Variants in DIAPH3 observed in about 807,000 individuals in gnomAD.
The protein encoded by DIAPH3 is diaphanous related formin 3.
DIAPH3 carries 117 observed loss-of-function variants against 144.3 expected under a neutral mutation model. The observed-to-expected ratio is 0.81, with a 90% CI of 0.70 to 0.95. DIAPH3 has a LOEUF of 0.95. DIAPH3 is among the 40% of genes least tolerant of loss of function. The probability of loss-of-function intolerance (pLI) is 0.00; values close to 1 mark genes in which losing one functional copy is unlikely to be tolerated. For synonymous variants in DIAPH3, 519 were observed against 488.9 expected (o/e 1.06, Z -0.81); for missense variants, 1,421 against 1,412.7 (o/e 1.01, Z -0.09).
Position 59,762,963 on chromosome 13 carries a change from A to C in DIAPH3, c.3319+11226T>G, listed in dbSNP as rs538954312. Among the ~76,000 whole-genome samples the C allele has an allele frequency of 9.9e-5, 15 of 152,226 alleles. No homozygotes were observed. In the South Asian group the frequency reaches 3.1e-3, roughly 32 times the overall value. On this transcript the variant is annotated intron_variant, in intron 27 of 27. Coordinates refer to ENST00000400324, the MANE Select transcript of DIAPH3 (RefSeq NM_001042517.2). ...CATCACCATGGGAAGATGCAGTAAG[A>C]AGGCCCTCACTAGATGCCAGAGCCT...
intron 1 of DIAPH3, among the ~76,000 whole-genome samples, chr13:60,136,499 A>C (rs1218942854): frequency 6.6e-6 from 1 of 151,682 alleles, no homozygotes; most frequent in Non-Finnish European, 1.5e-5. Context: ...AAAAGTTAGA[A>C]GCATACAGTT....
rs4054895 is a variant in DIAPH3 at position 59,983,139 on chromosome 13, T to TAAAAAA, written c.1480+624_1480+629dup. Among the ~76,000 whole-genome samples, 3 of 104,692 alleles carry TAAAAAA rather than the reference T, an allele frequency of 2.9e-5. 1 individual carries two copies. Among genetic ancestry groups the TAAAAAA allele is most frequent in the Non-Finnish European group, 5.5e-5 (3 of 54,904 alleles). The allele number at this position is 104,692 out of a possible 152,430, so 68.7% of individuals were successfully genotyped here. A position where few individuals can be genotyped will look rare whatever the true frequency, so the allele number is the denominator to read the frequency against. On this transcript the variant is annotated intron_variant, in intron 13 of 27. Transcript: ENST00000400324. ...ACACTAAATAATAATGCTTTATCTT[T>TAAAAAA]AAAAAAAAAAAAAAAAAAAACTCTC...
At chr13:59,862,914 C>A (rs1208326495) in intron 21 of DIAPH3, among the ~76,000 whole-genome samples, 2 of 152,074 alleles carry the variant, frequency 1.3e-5, no homozygotes. Context: ...CTGAAAGATA[C>A]CTATTGAAAA....
chr13:59,675,533 C>T (rs112600475), intron 27 of DIAPH3, among the ~76,000 whole-genome samples: 2,605 of 152,110 alleles, frequency 0.017, 79 homozygotes, highest in African/African-American at 0.059. Flanking sequence ...TATAGGCGCC[C>T]GCCACCACGC....
intron 27 of DIAPH3, among the ~76,000 whole-genome samples, chr13:59,755,455 T>C (rs1032331899): frequency 6.6e-6 from 1 of 151,992 alleles, no homozygotes; most frequent in Non-Finnish European, 1.5e-5. Context: ...CTTGATAGAT[T>C]AGAGAAACGG....
chr13:59,878,975 T>C (rs1350455595), intron 21 of DIAPH3, among the ~76,000 whole-genome samples: 2 of 152,124 alleles, frequency 1.3e-5, no homozygotes, highest in African/African-American at 2.4e-5. Flanking sequence ...TGAGAAAGCA[T>C]AGGTTTATGA....
intron 24 of DIAPH3, among the ~76,000 whole-genome samples, chr13:59,829,549 G>A (rs1487321684): frequency 6.6e-6 from 1 of 151,798 alleles, no homozygotes; most frequent in African/African-American, 2.4e-5. Context: ...GCTACTATAA[G>A]GATTAAATGG....
chr13:60,063,861 G>A (rs1358352770), intron 4 of DIAPH3, among the ~76,000 whole-genome samples: 2 of 152,048 alleles, frequency 1.3e-5, no homozygotes, highest in South Asian at 2.1e-4. Context: ...CCCAGGAGGC[G>A]GAGGTTGCAG....
chr13:60,101,425 C>T (rs572946257), intron 3 of DIAPH3, among the ~76,000 whole-genome samples: 1 of 152,286 alleles, frequency 6.6e-6, no homozygotes, highest in South Asian at 2.1e-4. Context: ...GGCCCTAAAG[C>T]AAGCTTGTCC....
chr13:59,852,610 T>C (rs1036840667), intron 22 of DIAPH3, among the ~76,000 whole-genome samples: 4 of 152,176 alleles, frequency 2.6e-5, no homozygotes, highest in African/African-American at 9.6e-5. Flanking sequence ...TGTTAGTATG[T>C]CCAACTCGTA....
intron 20 of DIAPH3, among the ~76,000 whole-genome samples, chr13:59,907,278 C>T (rs1390446366): frequency 6.6e-6 from 1 of 152,090 alleles, no homozygotes. Context: ...ATTCAGTGTC[C>T]TCTGCCCAGA....
intron 3 of DIAPH3, among the ~76,000 whole-genome samples, chr13:60,095,667 C>G (rs1176139960): frequency 6.6e-6 from 1 of 151,654 alleles, no homozygotes; most frequent in Non-Finnish European, 1.5e-5. Flanking sequence ...TTTTGATCAG[C>G]AGGGTTGTGA....
At chr13:59,894,369 G>A (rs1218178345) in intron 20 of DIAPH3, among the ~76,000 whole-genome samples, 1 of 151,978 alleles carries the variant, frequency 6.6e-6, no homozygotes, top group Non-Finnish European at 1.5e-5. Context: ...AGAAACCTGC[G>A]TTTTAGGAAG....
intron 21 of DIAPH3, among the ~76,000 whole-genome samples, chr13:59,870,806 G>C (rs940505272): frequency 1.3e-5 from 2 of 152,006 alleles, no homozygotes; most frequent in East Asian, 3.9e-4. Context: ...TAGTAGCTGG[G>C]ATTACAAGCA....
At chr13:60,120,528 T>C (rs897088529) in intron 2 of DIAPH3, among the ~76,000 whole-genome samples, 4 of 152,208 alleles carry the variant, frequency 2.6e-5, no homozygotes, top group African/African-American at 9.7e-5. Context: ...AAAAAATACT[T>C]GATTATCTAC....
chr13:59,782,442 A>C (rs1351589702), intron 25 of DIAPH3, among the ~76,000 whole-genome samples: 1 of 152,186 alleles, frequency 6.6e-6, no homozygotes, highest in Admixed American at 6.5e-5. Flanking sequence ...ATTAAAAGTG[A>C]TTGCCTCTGG....
chr13:59,725,274 C>A (rs757452448), intron 27 of DIAPH3, among the ~76,000 whole-genome samples: 11 of 152,140 alleles, frequency 7.2e-5, no homozygotes, highest in Non-Finnish European at 1.3e-4. Flanking sequence ...TTCAGCATAG[C>A]TTGGCAAAAT....
chr13:59,879,379 G>A lies in DIAPH3; in HGVS notation c.2457C>T (p.Asp819=). 4 of 1,613,874 alleles carry A rather than the reference G, an allele frequency of 2.5e-6. No individual in the cohort carries two copies. The highest frequency in any genetic ancestry group is 2.5e-6 in the Non-Finnish European group (3 of 1,179,850). The change falls in exon 21 of 28, where the codon GAC becomes GAT. Residue 819 remains aspartate (D), a synonymous_variant. Transcript: ENST00000400324. Reference sequence around the variant, plus strand: ...CGCAGGCAGTACTGACAGCCATGATGTCAGGTTTGATGTTGTTCACCTGCT... The same window carrying A: ...CGCAGGCAGTACTGACAGCCATGATATCAGGTTTGATGTTGTTCACCTGCT... ...FEEQVNNIKP[D]IMAVSTACEE...
intron 25 of DIAPH3, among the ~76,000 whole-genome samples, chr13:59,787,310 C>T (rs2039086372): frequency 6.6e-6 from 1 of 152,112 alleles, no homozygotes; most frequent in Non-Finnish European, 1.5e-5. Flanking sequence ...AACATTTCAA[C>T]ATTAAAAGAT....
Sources: gnomAD v4.1 joint callset for allele counts (sites outside exome capture counted in the v4.1 genomes callset) on GRCh38, gnomAD v4.1.1 for gene constraint, MANE v1.5 for transcripts, NCBI Gene and HGNC (gene_info 2026-07-23, HGNC 2026-07-21) for gene names.